The following RBM20 variants were observed in gnomAD, a reference collection of about 807,000 sequenced individuals.
RBM20 encodes the protein RNA-binding protein 20.
Under a neutral mutation model 110.1 loss-of-function variants are expected in RBM20, and 51 were observed. The observed-to-expected ratio is 0.46, with a 90% CI of 0.37 to 0.59. The LOEUF (loss-of-function observed/expected upper bound fraction) is 0.59. Among genes scored for constraint, RBM20 ranks in the 20% least tolerant of loss-of-function variants. The probability of loss-of-function intolerance (pLI) is 0.00; values close to 1 mark genes in which losing one functional copy is unlikely to be tolerated. For missense variants in RBM20, 1,512 were observed against 1,574.9 expected, an observed-to-expected ratio of 0.96 and a Z score of 0.68; for synonymous variants, 589 against 618.2, an observed-to-expected ratio of 0.95 and a Z score of 0.70.
At chr10:110,669,941 A>G (rs1292888615) in intron 1 of RBM20, among the ~76,000 whole-genome samples, 1 of 152,234 alleles carries the variant, frequency 6.6e-6, no homozygotes, top group Non-Finnish European at 1.5e-5. Flanking sequence ...TAAAAATAAT[A>G]TGCCATTTCT....
chr10:110,657,250 C>T (rs1862039328), intron 1 of RBM20, among the ~76,000 whole-genome samples: 2 of 151,424 alleles, frequency 1.3e-5, no homozygotes, highest in Admixed American at 1.3e-4. Flanking sequence ...CTCCTGACCT[C>T]GTGATCCACC....
chr10:110,670,333 G>A (rs999686707), intron 1 of RBM20, among the ~76,000 whole-genome samples: 1 of 152,118 alleles, frequency 6.6e-6, no homozygotes, highest in South Asian at 2.1e-4. Context: ...TCTTTCCCAG[G>A]GACTGTTGGT....
Position 110,799,866 on chromosome 10 carries a change from G to T in RBM20, c.1748G>T (p.Gly583Val). 6.4e-7 allele frequency: 1 copy of T among 1,552,102 alleles called. No individual in the cohort carries two copies. Among genetic ancestry groups the T allele is most frequent in the East Asian group, 2.4e-5 (1 of 40,932 alleles). Residue 583 changes from glycine (G) to valine (V), a missense_variant, in exon 7 of 14, where the codon GGT (glycine) becomes GTT (valine). This residue lies in a region of RBM20 where 1,149 missense variants were observed against 1,169.4 expected (regional missense o/e 0.98). Coordinates refer to ENST00000369519, the MANE Select transcript of RBM20 (RefSeq NM_001134363.3). ...YYQEKSAVIN[G>V]EKLLIRMSKR... Reference sequence around the variant, plus strand: ...CAAGAAAAATCTGCTGTGATCAATGGTGAGAAGTTGCTCATTCGGATGTCC... The same window carrying T: ...CAAGAAAAATCTGCTGTGATCAATGTTGAGAAGTTGCTCATTCGGATGTCC...
intron 1 of RBM20, among the ~76,000 whole-genome samples, 158 bp from the exon 2 acceptor site, chr10:110,780,643 G>A (rs1257627471): frequency 7.2e-6 from 1 of 138,824 alleles, no homozygotes; most frequent in African/African-American, 2.7e-5. Flanking sequence ...TTTTTAATGT[G>A]TATGTGTGAG....
At chr10:110,681,949 G>A (rs1862429640) in intron 1 of RBM20, among the ~76,000 whole-genome samples, 1 of 151,992 alleles carries the variant, frequency 6.6e-6, no homozygotes, top group Non-Finnish European at 1.5e-5. Context: ...CAGTGCAATG[G>A]CATGATCTTG....
At chr10:110,751,643 G>T (rs1457692468) in intron 1 of RBM20, among the ~76,000 whole-genome samples, 1 of 152,112 alleles carries the variant, frequency 6.6e-6, no homozygotes, top group Non-Finnish European at 1.5e-5. Flanking sequence ...GACTTCAATT[G>T]CATCATCCAT....
intron 1 of RBM20, among the ~76,000 whole-genome samples, chr10:110,776,361 A>G (rs1412624306): frequency 2.0e-5 from 3 of 152,260 alleles, no homozygotes; most frequent in Admixed American, 2.0e-4. Flanking sequence ...TTAATGGCTT[A>G]TAATAACATA....
intron 6 of RBM20, among the ~76,000 whole-genome samples, chr10:110,797,884 G>T (rs1251983776): frequency 6.6e-6 from 1 of 152,164 alleles, no homozygotes; most frequent in Non-Finnish European, 1.5e-5. Flanking sequence ...GGTGAGAGGA[G>T]ATGCTTTGGA....
chr10:110,679,232 A>AT (rs959306597), intron 1 of RBM20, among the ~76,000 whole-genome samples: 12 of 151,656 alleles, frequency 7.9e-5, no homozygotes, highest in African/African-American at 2.9e-4. Context: ...TTTATTTTTA[A>AT]TTTTTTTTAG....
At chr10:110,738,935 C>T (rs902834478) in intron 1 of RBM20, among the ~76,000 whole-genome samples, 9 of 152,116 alleles carry the variant, frequency 5.9e-5, no homozygotes, top group African/African-American at 9.7e-5. Context: ...CTTGCAGATT[C>T]GTATCACAGC....
chr10:110,643,997 C>G (rs755287462), upstream of RBM20, among the ~76,000 whole-genome samples: 35 of 152,168 alleles, frequency 2.3e-4, no homozygotes, highest in Non-Finnish European at 3.1e-4. Flanking sequence ...TCAGGGCTCC[C>G]GGGTGGAGCG....
At chr10:110,680,457 C>T (rs1443576399) in intron 1 of RBM20, among the ~76,000 whole-genome samples, 1 of 152,116 alleles carries the variant, frequency 6.6e-6, no homozygotes, top group East Asian at 1.9e-4. Context: ...AGGAGGAGCT[C>T]GGTCAGCTAA....
chr10:110,831,404 T>C (rs534588011), intron 13 of RBM20: 141 of 469,884 alleles, frequency 3.0e-4, no homozygotes, highest in African/African-American at 2.5e-3. Flanking sequence ...AATCTTCCCA[T>C]AGACTTGATT....
chr10:110,771,500 C>T (rs1013089869), intron 1 of RBM20, among the ~76,000 whole-genome samples: 1 of 152,166 alleles, frequency 6.6e-6, no homozygotes, highest in Admixed American at 6.5e-5. Flanking sequence ...GTGTGGGACA[C>T]ATATAGTTCC....
intron 9 of RBM20, among the ~76,000 whole-genome samples, 157 bp from the exon 10 acceptor site, chr10:110,819,915 G>T (rs1431629065): frequency 6.6e-6 from 1 of 152,212 alleles, no homozygotes; most frequent in African/African-American, 2.4e-5. Context: ...CGAAGATGCT[G>T]ATAGCAGCTG....
chr10:110,741,372 T>C (rs1234404858), intron 1 of RBM20, among the ~76,000 whole-genome samples: 3 of 152,184 alleles, frequency 2.0e-5, no homozygotes, highest in Non-Finnish European at 4.4e-5. Flanking sequence ...CAGATGTCAG[T>C]ATTTAGGGGA....
intron 1 of RBM20, among the ~76,000 whole-genome samples, chr10:110,665,895 C>G (rs1381278274): frequency 6.6e-6 from 1 of 151,642 alleles, no homozygotes; most frequent in African/African-American, 2.4e-5. Flanking sequence ...ATGGGCAGAT[C>G]ACTTGAATCC....
At chr10:110,811,367 A>G (rs552344800) in intron 8 of RBM20, among the ~76,000 whole-genome samples, 180 of 152,322 alleles carry the variant, frequency 1.2e-3, no homozygotes, top group African/African-American at 4.2e-3. Context: ...CTGCTTAATA[A>G]CCAAACAGCC....
intron 1 of RBM20, among the ~76,000 whole-genome samples, chr10:110,683,778 CTTCTAT>C (rs749095852): frequency 1.3e-5 from 2 of 152,154 alleles, no homozygotes; most frequent in Non-Finnish European, 2.9e-5. Context: ...ATAGGAGAAA[CTTCTAT>C]TTCTATCTAC....
Sources: gnomAD v4.1 joint callset for allele counts (sites outside exome capture counted in the v4.1 genomes callset) on GRCh38, gnomAD v4.1.1 for gene constraint, gnomAD v4.1.1 regional missense constraint, MANE v1.5 for transcripts, NCBI Gene and HGNC (gene_info 2026-07-23, HGNC 2026-07-21) for gene names.